PTPRG: variants seen among roughly 807,000 people sequenced by gnomAD.
PTPRG encodes receptor-type tyrosine-protein phosphatase gamma.
A neutral mutation model predicts 165.3 loss-of-function variants in PTPRG; 102 were observed. The ratio of observed to expected loss-of-function variants is 0.62; its 90% CI spans 0.53 to 0.73. The LOEUF is 0.73. PTPRG is among the 30% of genes least tolerant of loss of function. The pLI is 0.00. For synonymous variants in PTPRG, 675 were observed against 669.5 expected, an observed-to-expected ratio of 1.01 and a Z score of -0.13; for missense variants, 1,866 against 1,861.4, an observed-to-expected ratio of 1.00 and a Z score of -0.05.
At chr3:61,630,035 A>G (rs932419578) in intron 1 of PTPRG, among the ~76,000 whole-genome samples, 6 of 152,222 alleles carry the variant, frequency 3.9e-5, no homozygotes, top group African/African-American at 7.2e-5. Flanking sequence ...AATTTTGGTA[A>G]TGTGCCCAAA....
intron 14 of PTPRG, among the ~76,000 whole-genome samples, chr3:62,231,589 T>C (rs1186800850): frequency 1.3e-5 from 2 of 152,146 alleles, no homozygotes; most frequent in Non-Finnish European, 2.9e-5. Flanking sequence ...CTGGGGGTGC[T>C]CTATGTTTGT....
intron 5 of PTPRG, among the ~76,000 whole-genome samples, chr3:62,097,073 GAC>G (rs1702143096): frequency 6.7e-6 from 1 of 149,210 alleles, no homozygotes; most frequent in African/African-American, 2.4e-5. Context: ...GAAACACAAA[GAC>G]ACCCCCAGCC....
chr3:61,882,521 G>A (rs376053478), intron 2 of PTPRG, among the ~76,000 whole-genome samples: 6 of 152,154 alleles, frequency 3.9e-5, no homozygotes, highest in South Asian at 2.1e-4. Context: ...TTAGTATGAG[G>A]TACTAAGGGC....
chr3:61,746,576 G>A (rs1424345250), intron 1 of PTPRG, among the ~76,000 whole-genome samples: 1 of 151,926 alleles, frequency 6.6e-6, no homozygotes, highest in African/African-American at 2.4e-5. Context: ...CCCTTACTTG[G>A]TCCTCAACCA....
chr3:61,713,079 C>T (rs1162656417), intron 1 of PTPRG, among the ~76,000 whole-genome samples: 1 of 151,898 alleles, frequency 6.6e-6, no homozygotes, highest in East Asian at 1.9e-4. Flanking sequence ...TCATTTTTTC[C>T]TAGTTTCTCC....
chr3:62,144,179 G>A (rs745378398), intron 6 of PTPRG, among the ~76,000 whole-genome samples: 1 of 152,128 alleles, frequency 6.6e-6, no homozygotes, highest in African/African-American at 2.4e-5. Context: ...TTAATCTCTG[G>A]CCCTTTAAAG....
At chr3:61,712,732 T>TA (rs754029653) in intron 1 of PTPRG, among the ~76,000 whole-genome samples, 37 of 152,362 alleles carry the variant, frequency 2.4e-4, no homozygotes, top group Admixed American at 4.6e-4. Flanking sequence ...TCTCAGGTGA[T>TA]ATCTTTATAG....
chr3:62,074,098 G>C (rs992895525), intron 4 of PTPRG, among the ~76,000 whole-genome samples: 7 of 151,834 alleles, frequency 4.6e-5, no homozygotes, highest in African/African-American at 7.3e-5. Flanking sequence ...CTTATTCTTA[G>C]AAATTACTCA....
At chr3:61,639,880 G>C (rs1702016891) in intron 1 of PTPRG, among the ~76,000 whole-genome samples, 1 of 152,096 alleles carries the variant, frequency 6.6e-6, no homozygotes, top group South Asian at 2.1e-4. Context: ...CTATTTGGAT[G>C]CCTTTTCTTT....
intron 2 of PTPRG, among the ~76,000 whole-genome samples, chr3:61,887,016 A>C (rs1456064863): frequency 6.6e-6 from 1 of 150,678 alleles, no homozygotes. Flanking sequence ...GTGCGCTACT[A>C]ATATCTTGTG....
At chr3:62,286,822 T>G (rs1347095893) in intron 28 of PTPRG, among the ~76,000 whole-genome samples, 2 of 152,152 alleles carry the variant, frequency 1.3e-5, no homozygotes, top group African/African-American at 2.4e-5. Context: ...CCCTGTAGTT[T>G]TAAATGCAAA....
chr3:61,703,409 G>A (rs1046696900), intron 1 of PTPRG, among the ~76,000 whole-genome samples: 4 of 152,174 alleles, frequency 2.6e-5, no homozygotes, highest in African/African-American at 7.2e-5. Flanking sequence ...GAGTAGCTGT[G>A]TCAACTAGGC....
chr3:61,759,639 G>C (rs972314238), intron 2 of PTPRG, among the ~76,000 whole-genome samples: 1 of 152,134 alleles, frequency 6.6e-6, no homozygotes, highest in South Asian at 2.1e-4. Flanking sequence ...GCGTGGCAGA[G>C]TGAGACCCTG....
intron 1 of PTPRG, among the ~76,000 whole-genome samples, chr3:61,599,062 T>A (rs535025983): frequency 1.9e-4 from 29 of 152,326 alleles, no homozygotes; most frequent in Admixed American, 7.2e-4. Flanking sequence ...GTCTCTAAAA[T>A]CTTAGTTAAG....
intron 6 of PTPRG, among the ~76,000 whole-genome samples, chr3:62,133,566 A>C (rs1422782987): frequency 6.6e-6 from 1 of 152,194 alleles, no homozygotes; most frequent in Admixed American, 6.5e-5. Context: ...AATTGGAGCA[A>C]GTAGGATTTT....
chr3:62,250,584 G>A (rs1373060809), intron 15 of PTPRG, among the ~76,000 whole-genome samples: 7 of 152,166 alleles, frequency 4.6e-5, no homozygotes, highest in Non-Finnish European at 8.8e-5. Flanking sequence ...GCGTGTATGA[G>A]TAGGTTAGAG....
intron 5 of PTPRG, among the ~76,000 whole-genome samples, chr3:62,108,767 G>C (rs1324797760): frequency 6.6e-6 from 1 of 152,114 alleles, no homozygotes; most frequent in Non-Finnish European, 1.5e-5. Flanking sequence ...TCTCATTGTG[G>C]TTTTGATTTG....
In PTPRG at chr3:62,273,878, C is replaced by G. The variant is rs752122700; in HGVS notation, c.3465+34C>G. The G allele has an allele frequency of 6.2e-7, 1 of 1,605,308 alleles. No homozygotes were observed. The highest frequency in any genetic ancestry group is 8.5e-7 in the Non-Finnish European group (1 of 1,173,970). On this transcript the variant is annotated intron_variant, in intron 23 of 29. Transcript: ENST00000474889. The surrounding 1 kb of genome is among the most constrained non-coding windows in gnomAD (Gnocchi z 4.1). ...TTGAAAAAGTTTCTTTGGCATAAAGCAAGAAAATGTTTTAAATGCCTTGAG... is the reference window on the plus strand; with the variant it reads ...TTGAAAAAGTTTCTTTGGCATAAAGGAAGAAAATGTTTTAAATGCCTTGAG...
At chr3:62,041,988 C>G (rs114149108) in intron 4 of PTPRG, among the ~76,000 whole-genome samples, 4,286 of 152,272 alleles carry the variant, frequency 0.028, 78 homozygotes, top group East Asian at 0.071. Context: ...GATTAAGCAT[C>G]CGTTAAACAC....
Sources: gnomAD v4.1 joint callset for allele counts (sites outside exome capture counted in the v4.1 genomes callset) on GRCh38, gnomAD v4.1.1 for gene constraint, Gnocchi (gnomAD v3.1) non-coding constraint, MANE v1.5 for transcripts, NCBI Gene and HGNC (gene_info 2026-07-23, HGNC 2026-07-21) for gene names.